Variants in CNTN5 observed in about 807,000 individuals in gnomAD.
The protein encoded by CNTN5 is contactin 5.
Under a neutral mutation model 129.1 loss-of-function variants are expected in CNTN5, and 77 were observed. That is an observed-to-expected ratio of 0.60 (90% CI 0.50 to 0.72). The LOEUF (loss-of-function observed/expected upper bound fraction) is 0.72, where lower values mean the gene tolerates loss of function less well. Among genes scored for constraint, CNTN5 ranks in the 30% least tolerant of loss-of-function variants. The pLI is 0.00. For synonymous variants in CNTN5, 509 were observed against 465.6 expected, an observed-to-expected ratio of 1.09 and a Z score of -1.20; for missense variants, 1,478 against 1,328.8, an observed-to-expected ratio of 1.11 and a Z score of -1.75.
chr11:99,154,249 T>C (rs1306696373), intron 1 of CNTN5, among the ~76,000 whole-genome samples: 1 of 152,166 alleles, frequency 6.6e-6, no homozygotes, highest in East Asian at 1.9e-4. Context: ...GGGTGGGTTA[T>C]GGTTGCCAGT....
chr11:99,962,432 T>G (rs1219203146), intron 8 of CNTN5, among the ~76,000 whole-genome samples: 1 of 151,938 alleles, frequency 6.6e-6, no homozygotes, highest in Admixed American at 6.6e-5. Flanking sequence ...CTTGCGATAG[T>G]TTGCTGAGAA....
intron 1 of CNTN5, among the ~76,000 whole-genome samples, chr11:99,118,026 C>T (rs12800921): frequency 6.6e-6 from 1 of 152,232 alleles, no homozygotes; most frequent in African/African-American, 2.4e-5. Context: ...ATTCTGCATA[C>T]TGCTATTATG....
At chr11:100,198,925 C>T (rs1051876507) in intron 15 of CNTN5, among the ~76,000 whole-genome samples, 14 of 151,898 alleles carry the variant, frequency 9.2e-5, no homozygotes, top group African/African-American at 3.4e-4. Context: ...TTTCTTATTA[C>T]AGACACTTCT....
chr11:99,655,433 A>G (rs965382116), intron 3 of CNTN5, among the ~76,000 whole-genome samples: 4 of 152,140 alleles, frequency 2.6e-5, no homozygotes, highest in African/African-American at 9.7e-5. Context: ...CTATAGCTTA[A>G]AAGTTAGATA....
chr11:100,034,443 A>T lies in CNTN5; in HGVS notation c.981-26769A>T, dbSNP rs530752622. On this transcript the variant is annotated intron_variant, in intron 9 of 24. Transcript: ENST00000524871. The stretch of plus-strand genomic sequence containing the variant: ...ATATCTTAAACATCTACTTAGTACA[A>T]CCCCATTAATTTAACTAGACCAGAG... 4.9e-4 allele frequency among the ~76,000 whole-genome samples: 74 copies of T among 152,254 alleles called. No homozygotes were observed. In the Middle Eastern group the frequency reaches 0.014, roughly 28 times the overall value.
intron 3 of CNTN5, among the ~76,000 whole-genome samples, chr11:99,612,093 A>G (rs538864798): frequency 6.6e-6 from 1 of 152,324 alleles, no homozygotes; most frequent in East Asian, 1.9e-4. Context: ...GGCACTTGCA[A>G]TAAGAATTTC....
intron 16 of CNTN5, among the ~76,000 whole-genome samples, chr11:100,241,775 G>A (rs1307055728): frequency 1.3e-5 from 2 of 152,122 alleles, no homozygotes; most frequent in Non-Finnish European, 2.9e-5. Context: ...AAGTAAGACC[G>A]CAAGAGACCA....
At chr11:99,937,028 T>C (rs182367030) in intron 7 of CNTN5, among the ~76,000 whole-genome samples, 17 of 152,312 alleles carry the variant, frequency 1.1e-4, no homozygotes, top group African/African-American at 3.8e-4. Context: ...TAGGTCTCCA[T>C]ATTTTATTCT....
chr11:100,228,120 G>A (rs1949416192), intron 16 of CNTN5, among the ~76,000 whole-genome samples: 2 of 152,188 alleles, frequency 1.3e-5, no homozygotes, highest in East Asian at 3.8e-4. Flanking sequence ...TTCAGAAGAA[G>A]TGATAAAAAT....
chr11:100,266,740 T>C (rs1950310943), intron 17 of CNTN5, among the ~76,000 whole-genome samples: 1 of 151,312 alleles, frequency 6.6e-6, no homozygotes, highest in South Asian at 2.1e-4. Context: ...GATATAAATA[T>C]GCATAACTTT....
At chr11:99,885,421 C>T (rs1948876704) in intron 6 of CNTN5, among the ~76,000 whole-genome samples, 2 of 152,110 alleles carry the variant, frequency 1.3e-5, no homozygotes, top group Admixed American at 1.3e-4. Context: ...ATAAAGTCCT[C>T]AAAGTGATGA....
At chr11:99,612,548 C>T (rs1012612754) in intron 3 of CNTN5, among the ~76,000 whole-genome samples, 1 of 152,086 alleles carries the variant, frequency 6.6e-6, no homozygotes. Context: ...ATATTGTCTT[C>T]TTTAGTCTTT....
At chr11:99,731,597 G>A (rs1166240862) in intron 3 of CNTN5, among the ~76,000 whole-genome samples, 2 of 152,126 alleles carry the variant, frequency 1.3e-5, no homozygotes, top group African/African-American at 4.8e-5. Context: ...TTAACATACA[G>A]AGTTGACTGA....
chr11:99,826,168 G>A (rs185202431), intron 4 of CNTN5, among the ~76,000 whole-genome samples: 5 of 152,026 alleles, frequency 3.3e-5, no homozygotes, highest in Admixed American at 3.3e-4. Flanking sequence ...TTGCAATATA[G>A]AATTTTTTAT....
chr11:99,511,849 A>T (rs141283449), intron 2 of CNTN5, among the ~76,000 whole-genome samples: 3,983 of 151,760 alleles, frequency 0.026, 65 homozygotes, highest in Middle Eastern at 0.071. Context: ...TAAATAAATA[A>T]ATAATTTTGA....
chr11:100,198,572 A>G (rs967405314), intron 15 of CNTN5, among the ~76,000 whole-genome samples: 24 of 151,916 alleles, frequency 1.6e-4, no homozygotes, highest in Non-Finnish European at 3.4e-4. Flanking sequence ...GAGAAAAGAT[A>G]TTGTTATCTT....
At chr11:99,499,622 G>A (rs1214742690) in intron 2 of CNTN5, among the ~76,000 whole-genome samples, 1 of 152,080 alleles carries the variant, frequency 6.6e-6, no homozygotes, top group Non-Finnish European at 1.5e-5. Flanking sequence ...CACCTAGTTA[G>A]TATCCATGTT....
At chr11:99,076,968 G>A (rs1565298310) in intron 1 of CNTN5, among the ~76,000 whole-genome samples, 1 of 152,012 alleles carries the variant, frequency 6.6e-6, no homozygotes, top group Non-Finnish European at 1.5e-5. Context: ...CAATCATACT[G>A]TTTTTTACAC....
intron 1 of CNTN5, among the ~76,000 whole-genome samples, chr11:99,090,977 G>C (rs369852284): frequency 7.3e-5 from 10 of 136,568 alleles, no homozygotes; most frequent in African/African-American, 1.7e-4. Context: ...AGCCGAGATC[G>C]TGCCACTGCA....
Sources: gnomAD v4.1 joint callset for allele counts (sites outside exome capture counted in the v4.1 genomes callset) on GRCh38, gnomAD v4.1.1 for gene constraint, MANE v1.5 for transcripts, NCBI Gene and HGNC (gene_info 2026-07-23, HGNC 2026-07-21) for gene names.